F13A1: variants seen among roughly 807,000 people sequenced by gnomAD.
F13A1 encodes the protein FSF, A subunit.
F13A1 carries 47 observed loss-of-function variants against 80.1 expected under a neutral mutation model. The observed-to-expected ratio is 0.59, with a 90% CI of 0.46 to 0.75. F13A1 has a LOEUF of 0.75. Among genes scored for constraint, F13A1 ranks in the 30% least tolerant of loss-of-function variants. The pLI is 0.00. For synonymous variants in F13A1, 349 were observed against 344.9 expected, an observed-to-expected ratio of 1.01 and a Z score of -0.13; for missense variants, 817 against 930.4, an observed-to-expected ratio of 0.88 and a Z score of 1.59.
chr6:6,286,473 C>A (rs1011728267), intron 3 of F13A1, among the ~76,000 whole-genome samples: 2 of 152,220 alleles, frequency 1.3e-5, no homozygotes, highest in Non-Finnish European at 2.9e-5. Context: ...AGTGTATTTT[C>A]TTTCCTTTCA....
intron 8 of F13A1, among the ~76,000 whole-genome samples, chr6:6,201,931 C>A (rs1275018306): frequency 6.6e-6 from 1 of 151,968 alleles, no homozygotes; most frequent in Non-Finnish European, 1.5e-5. Context: ...TGGAAAACTT[C>A]CTTTAGCATA....
chr6:6,175,084 AG>A (rs1760858444), intron 11 of F13A1, among the ~76,000 whole-genome samples: 1 of 152,114 alleles, frequency 6.6e-6, no homozygotes, highest in Non-Finnish European at 1.5e-5. Context: ...GCAAGTTAGG[AG>A]GTGACAGTGT....
chr6:6,202,391 T>C (rs1460745345), intron 8 of F13A1, among the ~76,000 whole-genome samples: 1 of 152,248 alleles, frequency 6.6e-6, no homozygotes, highest in East Asian at 1.9e-4. Flanking sequence ...GTTGGTCTTA[T>C]TCTTCTACAC....
intron 3 of F13A1, among the ~76,000 whole-genome samples, chr6:6,291,166 A>T (rs1319294968): frequency 6.6e-6 from 1 of 152,136 alleles, no homozygotes; most frequent in Non-Finnish European, 1.5e-5. Context: ...ATACTTCTCC[A>T]CCTACGGCAG....
In F13A1 at chr6:6,224,824, A is replaced by T; in HGVS notation, c.835T>A (p.Ser279Thr). 1 of 1,614,090 alleles carries T rather than the reference A, an allele frequency of 6.2e-7. No homozygotes were observed. The highest frequency in any genetic ancestry group is 8.5e-7 in the Non-Finnish European group (1 of 1,179,952). Residue 279 changes from serine (S) to threonine (T), a missense_variant, in exon 7 of 15, where the codon TCC becomes ACC. Physicochemically the swap from Ser to Thr is moderately conservative, Grantham distance 58. Transcript: ENST00000264870. Reference sequence around the variant, plus strand: ...CCATAGGCATAGATATTGTCCCAGGATCCAACGAGGACACCTTCGTCATCT... The same window carrying T: ...CCATAGGCATAGATATTGTCCCAGGTTCCAACGAGGACACCTTCGTCATCT... ...AKDDEGVLVG[S>T]WDNIYAYGVP...
chr6:6,198,132 A>G (rs1229576108), intron 8 of F13A1, among the ~76,000 whole-genome samples: 1 of 152,230 alleles, frequency 6.6e-6, no homozygotes, highest in East Asian at 1.9e-4. Flanking sequence ...ATGCCTGACT[A>G]TAATTCTCTA....
chr6:6,147,417 G>A (rs1178143250), intron 14 of F13A1, among the ~76,000 whole-genome samples: 1 of 152,218 alleles, frequency 6.6e-6, no homozygotes, highest in African/African-American at 2.4e-5. Context: ...TGTCCTGGAA[G>A]TGTTCATGGA....
intron 10 of F13A1, among the ~76,000 whole-genome samples, chr6:6,194,869 A>G (rs1340511593): frequency 6.6e-6 from 1 of 152,152 alleles, no homozygotes; most frequent in Non-Finnish European, 1.5e-5. Context: ...TAGCACTGCT[A>G]TTTATTAGCT....
intron 3 of F13A1, among the ~76,000 whole-genome samples, chr6:6,272,390 CT>C (rs1757932781): frequency 6.6e-6 from 1 of 152,150 alleles, no homozygotes; most frequent in Non-Finnish European, 1.5e-5. Context: ...GAAGAACATA[CT>C]TGCCATCAAG....
intron 8 of F13A1, among the ~76,000 whole-genome samples, chr6:6,201,795 C>T (rs1433822220): frequency 6.6e-6 from 1 of 152,162 alleles, no homozygotes; most frequent in Non-Finnish European, 1.5e-5. Flanking sequence ...CCTCCTGCCC[C>T]AGTCTTTTAA....
intron 11 of F13A1, among the ~76,000 whole-genome samples, chr6:6,175,699 C>G (rs1393461103): frequency 6.6e-6 from 1 of 152,254 alleles, no homozygotes; most frequent in African/African-American, 2.4e-5. Context: ...CCAAACTCAT[C>G]TGACACGGAG....
chr6:6,256,091 G>A (rs1333073656), intron 4 of F13A1, among the ~76,000 whole-genome samples: 1 of 152,090 alleles, frequency 6.6e-6, no homozygotes, highest in African/African-American at 2.4e-5. Flanking sequence ...GCTTCAGAGC[G>A]GTGGGGTTTC....
chr6:6,319,484 T>C (rs1758739606), intron 1 of F13A1, among the ~76,000 whole-genome samples: 1 of 152,192 alleles, frequency 6.6e-6, no homozygotes. Context: ...CCTTGGAGCT[T>C]GTGCAGGCAC....
chr6:6,192,904 G>C (rs1761227338), intron 10 of F13A1, among the ~76,000 whole-genome samples: 1 of 152,158 alleles, frequency 6.6e-6, no homozygotes, highest in Admixed American at 6.5e-5. Context: ...GTTATCTTTG[G>C]CAAGAAGGAG....
chr6:6,296,037 T>C (rs1338314427), intron 3 of F13A1, among the ~76,000 whole-genome samples: 1 of 144,378 alleles, frequency 6.9e-6, no homozygotes, highest in African/African-American at 2.8e-5. Context: ...CTCAGGTTTG[T>C]CAAAGATCAG....
chr6:6,195,946 C>T (rs1441117081), intron 9 of F13A1, 61 bp from the exon 10 acceptor site: 11 of 1,458,664 alleles, frequency 7.5e-6, no homozygotes, highest in African/African-American at 1.4e-5. Flanking sequence ...CCAGATACTG[C>T]AAGATTCATG....
intron 11 of F13A1, among the ~76,000 whole-genome samples, chr6:6,176,363 C>T (rs555572318): frequency 6.6e-6 from 1 of 152,322 alleles, no homozygotes; most frequent in South Asian, 2.1e-4. Flanking sequence ...ATTTAATCCT[C>T]ATAACAACAC....
intron 3 of F13A1, among the ~76,000 whole-genome samples, chr6:6,302,870 A>G (rs1205866411): frequency 1.3e-5 from 2 of 152,222 alleles, no homozygotes; most frequent in Non-Finnish European, 2.9e-5. Context: ...GCTTTCTTCT[A>G]CAGTGTCAGA....
intron 6 of F13A1, among the ~76,000 whole-genome samples, chr6:6,229,143 T>C (rs1757316792): frequency 6.6e-6 from 1 of 152,026 alleles, no homozygotes; most frequent in Non-Finnish European, 1.5e-5. Context: ...TTACAGCAAA[T>C]AGAACGTCTA....
Sources: gnomAD v4.1 joint callset for allele counts (sites outside exome capture counted in the v4.1 genomes callset) on GRCh38, gnomAD v4.1.1 for gene constraint, MANE v1.5 for transcripts, NCBI Gene and HGNC (gene_info 2026-07-23, HGNC 2026-07-21) for gene names.